Variants in PCSK5 observed in about 807,000 individuals in gnomAD.
The protein encoded by PCSK5 is prohormone convertase 5.
Under a neutral mutation model 233.2 loss-of-function variants are expected in PCSK5, and 129 were observed. The ratio of observed to expected loss-of-function variants is 0.55; its 90% CI spans 0.48 to 0.64. The LOEUF (loss-of-function observed/expected upper bound fraction) is 0.64. PCSK5 is among the 30% of genes least tolerant of loss of function. The pLI is 0.00. For missense variants in PCSK5, 2,076 were observed against 2,430.1 expected (o/e 0.85, Z 3.06); for synonymous variants, 825 against 879.2 (o/e 0.94, Z 1.09).
intron 9 of PCSK5, among the ~76,000 whole-genome samples, chr9:76,112,860 GA>G (rs755276120): frequency 2.0e-5 from 3 of 152,196 alleles, no homozygotes; most frequent in South Asian, 4.2e-4. Flanking sequence ...GGACTTGGAT[GA>G]AAATAAAAAT....
chr9:76,057,568 C>T (rs1308502483), intron 5 of PCSK5, among the ~76,000 whole-genome samples: 1 of 151,880 alleles, frequency 6.6e-6, no homozygotes, highest in African/African-American at 2.4e-5. Context: ...TCACTCTCTC[C>T]CAAAAATGGT....
At chr9:76,091,729 A>G (rs1358081428) in intron 7 of PCSK5, among the ~76,000 whole-genome samples, 10 of 152,232 alleles carry the variant, frequency 6.6e-5, no homozygotes. Flanking sequence ...CAGGTCCAGC[A>G]CAGGCTAGCA....
rs1830412359 is a variant in PCSK5, at chr9:76,360,393, A to G, written c.*1471A>G. ...CCAAGGTCATGCAAAGCTCAACAAA[A>G]TTCAAGAAAAAAGAATGATCACCCT... On this transcript the variant is annotated 3_prime_UTR_variant, in exon 38 of 38. Transcript: ENST00000674117. 6.6e-6 allele frequency: 1 copy of G among 152,210 alleles called. No homozygotes were observed. Among genetic ancestry groups the G allele is most frequent in the Non-Finnish European group, 1.5e-5 (1 of 68,050 alleles). The allele number at this position is 152,210 out of a possible 1,614,324, so 9.4% of individuals were successfully genotyped here.
chr9:76,283,306 C>T (rs1190810868), intron 24 of PCSK5, among the ~76,000 whole-genome samples: 11 of 152,228 alleles, frequency 7.2e-5, no homozygotes, highest in Admixed American at 5.9e-4. Flanking sequence ...GGTCAATCAA[C>T]GTGGTAAACT....
rs377186487 is a variant in PCSK5, at chr9:75,963,914, G to A, written c.298-22218G>A. The stretch of plus-strand genomic sequence containing the variant: ...AAATTAAAAAAAAAATTCAGTCACC[G>A]TATACCATATAGTGGAAAAAGCAGA... On this transcript the variant is annotated intron_variant, in intron 2 of 37. Transcript: ENST00000674117. Among the ~76,000 whole-genome samples the A allele has an allele frequency of 3.9e-5, 6 of 152,254 alleles. No homozygotes were observed. The East Asian group carries it at 5.8e-4, about 15-fold the overall frequency.
At chr9:76,281,461 C>G (rs1228401143) in intron 24 of PCSK5, among the ~76,000 whole-genome samples, 1 of 152,108 alleles carries the variant, frequency 6.6e-6, no homozygotes, top group Non-Finnish European at 1.5e-5. Context: ...AGAATGGTTA[C>G]TGAATATTTT....
intron 34 of PCSK5, among the ~76,000 whole-genome samples, chr9:76,335,470 C>T (rs1359044463): frequency 6.6e-6 from 1 of 152,194 alleles, no homozygotes; most frequent in Non-Finnish European, 1.5e-5. Flanking sequence ...ATACACTTCT[C>T]TGCACCCTAT....
intron 11 of PCSK5, among the ~76,000 whole-genome samples, chr9:76,157,942 T>C (rs923160852): frequency 1.3e-5 from 2 of 152,222 alleles, no homozygotes; most frequent in African/African-American, 4.8e-5. Context: ...TGAAGCTGTG[T>C]AACAACTTGG....
chr9:75,948,666 G>GTA (rs1824701405), intron 2 of PCSK5, among the ~76,000 whole-genome samples: 1 of 152,062 alleles, frequency 6.6e-6, no homozygotes, highest in South Asian at 2.1e-4. Flanking sequence ...AGTCCTTTGG[G>GTA]TATATACCCA....
chr9:76,190,393 A>G (rs1824313508), intron 20 of PCSK5, among the ~76,000 whole-genome samples: 1 of 151,028 alleles, frequency 6.6e-6, no homozygotes, highest in Admixed American at 6.6e-5. Context: ...TATAATTGGA[A>G]TTATACAATA....
In PCSK5 at chr9:75,999,624, C is replaced by T. The variant is rs183730968; in HGVS notation, c.411+13379C>T. Among the ~76,000 whole-genome samples the T allele has an allele frequency of 1.1e-3, 170 of 152,350 alleles. 1 individual carries two copies. The highest frequency in any genetic ancestry group is 1.8e-3 in the Non-Finnish European group (122 of 68,038). On this transcript the variant is annotated intron_variant, in intron 3 of 37. Coordinates refer to ENST00000674117, the MANE Select transcript of PCSK5 (RefSeq NM_001372043.1). ...TTAAGAATGCCTTTAAGCGGTTTTC[C>T]GCCCTGGGTGGCCCAGGTGTTGCTT...
chr9:76,197,460 G>T (rs1325152792), intron 20 of PCSK5, among the ~76,000 whole-genome samples: 1 of 152,164 alleles, frequency 6.6e-6, no homozygotes, highest in Non-Finnish European at 1.5e-5. Flanking sequence ...AACTACTAAA[G>T]TTTCTCAATC....
intron 24 of PCSK5, among the ~76,000 whole-genome samples, chr9:76,291,380 G>A (rs945315462): frequency 1.3e-5 from 2 of 152,132 alleles, no homozygotes; most frequent in Non-Finnish European, 2.9e-5. Context: ...CATACCAAGA[G>A]GAACGTTTTA....
At chr9:76,178,072 G>A (rs1394571545) in intron 14 of PCSK5, among the ~76,000 whole-genome samples, 1 of 152,044 alleles carries the variant, frequency 6.6e-6, no homozygotes, top group African/African-American at 2.4e-5. Context: ...GACACAGATG[G>A]CGTTATCATA....
chr9:76,211,416 G>A (rs1437698164), intron 20 of PCSK5, among the ~76,000 whole-genome samples: 1 of 152,198 alleles, frequency 6.6e-6, no homozygotes, highest in Non-Finnish European at 1.5e-5. Flanking sequence ...GTGATTTGGG[G>A]CAAGCTGTAG....
At position 76,213,823 on chromosome 9, in the gene PCSK5, C is replaced by A. The variant is rs74622437; in HGVS notation, c.2627-13680C>A. 2.0e-3 allele frequency among the ~76,000 whole-genome samples: 302 copies of A among 152,230 alleles called. 4 individuals are homozygous for A. The East Asian group carries it at 0.02, about 10-fold the overall frequency. ...ATCATTTGCCTGCTCCCAGAGACAT[C>A]AGACTTATTCTACCTTCAACCCTTT... On this transcript the variant is annotated intron_variant, in intron 20 of 37. Coordinates refer to ENST00000674117, the MANE Select transcript of PCSK5 (RefSeq NM_001372043.1).
chr9:76,217,805 A>T (rs1407817044), intron 20 of PCSK5, among the ~76,000 whole-genome samples: 1 of 152,184 alleles, frequency 6.6e-6, no homozygotes, highest in Non-Finnish European at 1.5e-5. Context: ...CTCTGATAGG[A>T]TGCAAACCAC....
chr9:76,081,089 G>T (rs1830815994), intron 7 of PCSK5, among the ~76,000 whole-genome samples: 1 of 152,138 alleles, frequency 6.6e-6, no homozygotes, highest in Non-Finnish European at 1.5e-5. Context: ...AAAGGGGTTG[G>T]GGGTAGAGAG....
At chr9:76,087,024 A>G (rs1004116695) in intron 7 of PCSK5, among the ~76,000 whole-genome samples, 20 of 152,230 alleles carry the variant, frequency 1.3e-4, no homozygotes, top group African/African-American at 4.3e-4. Context: ...GTATTCTACT[A>G]TTCTTTCTCC....
Sources: allele counts gnomAD v4.1 joint callset (sites outside exome capture counted in the v4.1 genomes callset), GRCh38; gene constraint gnomAD v4.1.1; transcripts MANE v1.5; gene names NCBI Gene and HGNC (gene_info 2026-07-23, HGNC 2026-07-21).